CLDN18: variants seen among roughly 807,000 people sequenced by gnomAD.
CLDN18 encodes the protein claudin 18.
CLDN18 carries 20 observed loss-of-function variants against 25.0 expected under a neutral mutation model. The ratio of observed to expected loss-of-function variants is 0.80; its 90% CI spans 0.56 to 1.16. The LOEUF (loss-of-function observed/expected upper bound fraction) is 1.16, where lower values mean the gene tolerates loss of function less well. CLDN18 is among the 50% of genes most tolerant of loss of function. The pLI is 0.00. For synonymous variants in CLDN18, 125 were observed against 135.6 expected (o/e 0.92, Z 0.54); for missense variants, 297 against 345.4 (o/e 0.86, Z 1.11).
Position 138,033,277 on chromosome 3 carries a change from AG to A in CLDN18, c.*2138del, listed in dbSNP as rs1248006281. On this transcript the variant is annotated 3_prime_UTR_variant, in exon 5 of 5. Coordinates refer to ENST00000183605, the MANE Select transcript of CLDN18 (RefSeq NM_016369.4). ...GAACTCACTGCCTCAGTTTGGGTAA[AG>A]GATGAGCAGACAAGTCAACTAAAGA... The A allele has an allele frequency of 6.6e-6, 1 of 152,300 alleles. No homozygotes were observed. 9.4% of individuals were successfully genotyped at this position (152,300 alleles called of 1,614,324 possible).
intron 1 of CLDN18, among the ~76,000 whole-genome samples, chr3:138,011,404 A>C (rs1359894234): frequency 6.6e-6 from 1 of 152,240 alleles, no homozygotes; most frequent in Middle Eastern, 3.2e-3. Flanking sequence ...CAACTAATCC[A>C]AGTTCATTTT....
chr3:138,016,892 A>G (rs766894201), intron 1 of CLDN18, among the ~76,000 whole-genome samples: 17 of 152,088 alleles, frequency 1.1e-4, no homozygotes, highest in Non-Finnish European at 1.3e-4. Context: ...TGTCTCTACT[A>G]AAAATATGAA....
At chr3:138,010,583 A>T (rs1942125494) in intron 1 of CLDN18, 138 bp downstream of exon 1, 1 of 1,132,412 alleles carries the variant, frequency 8.8e-7, no homozygotes, top group Admixed American at 2.4e-5. Context: ...GAATAAAAGG[A>T]GAAGCTGGCT....
At chr3:138,007,266 G>A (rs767499745), upstream of CLDN18, among the ~76,000 whole-genome samples, 5 of 152,112 alleles carry the variant, frequency 3.3e-5, no homozygotes, top group Admixed American at 6.6e-5. Flanking sequence ...ATTGCAGCAC[G>A]ATTTATAATA....
At chr3:138,011,333 G>T (rs1257269086) in intron 1 of CLDN18, among the ~76,000 whole-genome samples, 1 of 152,186 alleles carries the variant, frequency 6.6e-6, no homozygotes, top group African/African-American at 2.4e-5. Context: ...AAATAAATTT[G>T]CAAGAAATTG....
At chr3:138,007,104 G>A (rs1942077950), upstream of CLDN18, among the ~76,000 whole-genome samples, 1 of 152,100 alleles carries the variant, frequency 6.6e-6, no homozygotes. Flanking sequence ...GGGAAGGTTA[G>A]ACAAATGTCA....
At chr3:138,006,591 A>G (rs1942071823), upstream of CLDN18, among the ~76,000 whole-genome samples, 1 of 152,252 alleles carries the variant, frequency 6.6e-6, no homozygotes, top group Non-Finnish European at 1.5e-5. Context: ...ATATGTTTCA[A>G]TAAAGCCTAT....
chr3:138,000,428 T>G (rs16847735), intron 1 of CLDN18, among the ~76,000 whole-genome samples: 1 of 151,988 alleles, frequency 6.6e-6, no homozygotes, highest in South Asian at 2.1e-4. Context: ...TCAGGGGCAA[T>G]GAGAGAATGA....
intron 1 of CLDN18, among the ~76,000 whole-genome samples, chr3:138,014,654 G>A (rs1170554272): frequency 6.6e-6 from 1 of 152,096 alleles, no homozygotes; most frequent in Non-Finnish European, 1.5e-5. Flanking sequence ...TTCACCAAAA[G>A]CCAGAAAAAA....
intron 1 of CLDN18, among the ~76,000 whole-genome samples, chr3:138,022,402 T>C (rs1942282448): frequency 6.6e-6 from 1 of 152,192 alleles, no homozygotes; most frequent in Admixed American, 6.5e-5. Flanking sequence ...AGAGTTCTGG[T>C]ACCGAAATCA....
chr3:138,020,289 A>T (rs1469788154), intron 1 of CLDN18, among the ~76,000 whole-genome samples: 1 of 152,210 alleles, frequency 6.6e-6, no homozygotes, highest in Non-Finnish European at 1.5e-5. Flanking sequence ...TGTTTGTAGA[A>T]TTCTCTTCCC....
chr3:138,025,704 G>C (rs1942319267), intron 3 of CLDN18, among the ~76,000 whole-genome samples: 1 of 152,152 alleles, frequency 6.6e-6, no homozygotes, highest in South Asian at 2.1e-4. Flanking sequence ...CTTAGAAGTA[G>C]GTTGACCAAC....
At chr3:138,007,439 A>G (rs1013895170), upstream of CLDN18, among the ~76,000 whole-genome samples, 11 of 152,124 alleles carry the variant, frequency 7.2e-5, no homozygotes, top group African/African-American at 2.7e-4. Context: ...AAACTAACAC[A>G]GAAACAGAAA....
chr3:138,002,592 T>G (rs1279390808), intron 1 of CLDN18, among the ~76,000 whole-genome samples: 1 of 152,224 alleles, frequency 6.6e-6, no homozygotes, highest in African/African-American at 2.4e-5. Context: ...CATTCTTGTT[T>G]TAATTTGTTT....
At chr3:138,024,077 A>G (rs1942298058) in intron 2 of CLDN18, among the ~76,000 whole-genome samples, 1 of 152,094 alleles carries the variant, frequency 6.6e-6, no homozygotes, top group African/African-American at 2.4e-5. Flanking sequence ...TTGAGAGTCC[A>G]AGACAGGAGG....
At chr3:138,000,223 G>A (rs1214667172) in intron 1 of CLDN18, among the ~76,000 whole-genome samples, 1 of 152,196 alleles carries the variant, frequency 6.6e-6, no homozygotes, top group African/African-American at 2.4e-5. Context: ...GCACCAGGCT[G>A]GATATGACAA....
In CLDN18 at chr3:138,031,824, T is replaced by C. The variant is rs1161036160; in HGVS notation, c.*683T>C. On this transcript the variant is annotated 3_prime_UTR_variant, in exon 5 of 5. Transcript: ENST00000183605. ...CTGAGCTCTCCACTGGAGTCCTCTTTCTGTCGCGGGTCAGAAATTGTCCCT... is the reference window on the plus strand; with the variant it reads ...CTGAGCTCTCCACTGGAGTCCTCTTCCTGTCGCGGGTCAGAAATTGTCCCT... The C allele has an allele frequency of 6.6e-6, 1 of 152,228 alleles. No homozygotes were observed. Among genetic ancestry groups the C allele is most frequent in the Non-Finnish European group, 1.5e-5 (1 of 68,036 alleles). The allele number at this position is 152,228 out of a possible 1,614,324, so 9.4% of individuals were successfully genotyped here. A position where few individuals can be genotyped will look rare whatever the true frequency, so the allele number is the denominator to read the frequency against.
upstream of CLDN18, among the ~76,000 whole-genome samples, chr3:138,009,243 A>G (rs1256906890): frequency 6.6e-6 from 1 of 152,176 alleles, no homozygotes; most frequent in Non-Finnish European, 1.5e-5. Flanking sequence ...CCAGCACACG[A>G]CAAGTTAGGG....
chr3:138,003,504 C>G (rs1271097628), intron 1 of CLDN18, among the ~76,000 whole-genome samples: 1 of 152,164 alleles, frequency 6.6e-6, no homozygotes, highest in Non-Finnish European at 1.5e-5. Flanking sequence ...GGACTTAGTT[C>G]TGCTTATATG....
Sources: gnomAD v4.1 joint callset for allele counts (sites outside exome capture counted in the v4.1 genomes callset) on GRCh38, gnomAD v4.1.1 for gene constraint, MANE v1.5 for transcripts, NCBI Gene and HGNC (gene_info 2026-07-23, HGNC 2026-07-21) for gene names.